MCPH1: variants seen among roughly 807,000 people sequenced by gnomAD.
MCPH1 encodes the protein microcephalin.
A neutral mutation model predicts 84.5 loss-of-function variants in MCPH1; 104 were observed. The ratio of observed to expected loss-of-function variants is 1.23; its 90% confidence interval spans 1.05 to 1.45. The LOEUF (loss-of-function observed/expected upper bound fraction) is 1.45. MCPH1 is among the 40% of genes most tolerant of loss of function. The pLI, the probability that MCPH1 is intolerant of heterozygous loss-of-function variation, is 0.00. For synonymous variants in MCPH1, 514 were observed against 366.8 expected, an observed-to-expected ratio of 1.40 and a Z score of -4.58; for missense variants, 1,498 against 1,005.7, an observed-to-expected ratio of 1.49 and a Z score of -6.62.
chr8:6,480,973 C>T, intron 11 of MCPH1, 97 bp downstream of exon 11: 1 of 1,384,672 alleles, frequency 7.2e-7, no homozygotes, highest in Non-Finnish European at 1.0e-6. Context: ...CCGGCGTGCA[C>T]CCTTGTGGAT....
chr8:6,602,710 C>G (rs1829467600), intron 12 of MCPH1, among the ~76,000 whole-genome samples: 2 of 151,958 alleles, frequency 1.3e-5, no homozygotes, highest in Admixed American at 6.6e-5. Flanking sequence ...TGTGACAGAT[C>G]TTATCATCTC....
At chr8:6,553,794 G>C (rs1012010469) in intron 12 of MCPH1, among the ~76,000 whole-genome samples, 2 of 152,022 alleles carry the variant, frequency 1.3e-5, no homozygotes, top group Non-Finnish European at 2.9e-5. Flanking sequence ...GCAGAAAAGC[G>C]AATGTCAGAC....
chr8:6,447,291 C>G, intron 8 of MCPH1: 3 of 985,354 alleles, frequency 3.0e-6, no homozygotes, highest in Non-Finnish European at 3.6e-6. Flanking sequence ...CCTTCAGTTT[C>G]AATGTCAGGG....
At chr8:6,577,992 A>T (rs1471452476) in intron 12 of MCPH1, among the ~76,000 whole-genome samples, 1 of 152,180 alleles carries the variant, frequency 6.6e-6, no homozygotes, top group South Asian at 2.1e-4. Context: ...AGACAGCGGG[A>T]TGTCCTGCAT....
intron 12 of MCPH1, among the ~76,000 whole-genome samples, chr8:6,579,539 G>A (rs1827385035): frequency 6.6e-6 from 1 of 152,194 alleles, no homozygotes; most frequent in South Asian, 2.1e-4. Context: ...TTAAGCATTT[G>A]TTTTGGTGCC....
chr8:6,456,429 C>T (rs925548135), intron 9 of MCPH1, among the ~76,000 whole-genome samples: 1 of 152,150 alleles, frequency 6.6e-6, no homozygotes, highest in Non-Finnish European at 1.5e-5. Flanking sequence ...AGTCTTCTTC[C>T]TACTGCTACA....
intron 12 of MCPH1, among the ~76,000 whole-genome samples, chr8:6,576,165 G>A (rs941866813): frequency 1.3e-5 from 2 of 152,082 alleles, no homozygotes; most frequent in Non-Finnish European, 1.5e-5. Context: ...CCTCAGGAGG[G>A]GGTGAAAAAA....
intron 13 of MCPH1, among the ~76,000 whole-genome samples, chr8:6,624,633 C>A (rs1831868433): frequency 6.6e-6 from 1 of 152,132 alleles, no homozygotes. Flanking sequence ...ATACTTCTGG[C>A]TTTTCTCACC....
At chr8:6,443,703 G>C (rs1270239679) in intron 7 of MCPH1, among the ~76,000 whole-genome samples, 3 of 152,250 alleles carry the variant, frequency 2.0e-5, no homozygotes, top group Non-Finnish European at 4.4e-5. Flanking sequence ...GGGAGAGCTG[G>C]CAAGGGCAGT....
intron 9 of MCPH1, among the ~76,000 whole-genome samples, chr8:6,474,901 C>G (rs1229416769): frequency 6.6e-6 from 1 of 152,106 alleles, no homozygotes; most frequent in Non-Finnish European, 1.5e-5. Flanking sequence ...TTATTAAACC[C>G]CAAATATTCA....
intron 12 of MCPH1, among the ~76,000 whole-genome samples, chr8:6,512,159 C>G (rs928127744): frequency 1.3e-5 from 2 of 152,250 alleles, no homozygotes; most frequent in East Asian, 3.9e-4. Flanking sequence ...TTTAAAGAGT[C>G]ACATCCATGT....
At chr8:6,579,299 C>G (rs1027070730) in intron 12 of MCPH1, among the ~76,000 whole-genome samples, 3 of 152,188 alleles carry the variant, frequency 2.0e-5, no homozygotes, top group Admixed American at 6.5e-5. Context: ...TTTCCCGGTC[C>G]CCTTCTCCTC....
intron 12 of MCPH1, among the ~76,000 whole-genome samples, chr8:6,604,005 T>TC (rs1250942733): frequency 1.3e-5 from 2 of 151,454 alleles, no homozygotes; most frequent in Admixed American, 1.3e-4. Flanking sequence ...ACTTTGACTT[T>TC]TTTTTTTTTT....
At chr8:6,566,604 G>A (rs532831994) in intron 12 of MCPH1, among the ~76,000 whole-genome samples, 69 of 152,302 alleles carry the variant, frequency 4.5e-4, no homozygotes, top group African/African-American at 1.5e-3. Context: ...GATAGTGCCC[G>A]TGGTGTGGTA....
chr8:6,522,156 G>A (rs557570244), intron 12 of MCPH1, among the ~76,000 whole-genome samples: 1 of 152,032 alleles, frequency 6.6e-6, no homozygotes, highest in Non-Finnish European at 1.5e-5. Flanking sequence ...GAGATTGAGA[G>A]TATCCTGGCT....
At chr8:6,448,700 T>C (rs1015908239) in intron 8 of MCPH1, among the ~76,000 whole-genome samples, 2 of 152,348 alleles carry the variant, frequency 1.3e-5, no homozygotes, top group Middle Eastern at 3.4e-3. Flanking sequence ...TAGAATTATA[T>C]TGCCTTAAAA....
intron 12 of MCPH1, chr8:6,502,975 C>T: frequency 9.2e-7 from 1 of 1,092,536 alleles, no homozygotes; most frequent in Non-Finnish European, 1.3e-6. Flanking sequence ...GCATGTGGGT[C>T]CCGTCAGCAC....
chr8:6,430,733 G>A (rs899428819), intron 3 of MCPH1, among the ~76,000 whole-genome samples: 1 of 152,188 alleles, frequency 6.6e-6, no homozygotes, highest in African/African-American at 2.4e-5. Flanking sequence ...AACAGCAGAT[G>A]AGTGAGAATA....
intron 3 of MCPH1, among the ~76,000 whole-genome samples, chr8:6,417,144 C>T (rs139189720): frequency 9.2e-5 from 14 of 152,172 alleles, no homozygotes; most frequent in African/African-American, 3.1e-4. Context: ...TGTGTTTCTA[C>T]ATATGATTCG....
Sources: gnomAD v4.1 joint callset for allele counts (sites outside exome capture counted in the v4.1 genomes callset) on GRCh38, gnomAD v4.1.1 for gene constraint, MANE v1.5 for transcripts, NCBI Gene and HGNC (gene_info 2026-07-23, HGNC 2026-07-21) for gene names.